The following STK32B variants were observed in gnomAD, a reference collection of about 807,000 sequenced individuals.
STK32B encodes the protein serine/threonine-protein kinase 32B.
A neutral mutation model predicts 52.6 loss-of-function variants in STK32B; 43 were observed. The ratio of observed to expected loss-of-function variants is 0.82; its 90% CI spans 0.64 to 1.05. The LOEUF (loss-of-function observed/expected upper bound fraction) is 1.05. STK32B is among the 50% of genes least tolerant of loss of function. The pLI is 0.00. For synonymous variants in STK32B, 238 were observed against 204.3 expected (o/e 1.17, Z -1.41); for missense variants, 621 against 534.6 (o/e 1.16, Z -1.59).
At chr4:5,150,486 T>A (rs1717258877) in intron 2 of STK32B, among the ~76,000 whole-genome samples, 1 of 152,202 alleles carries the variant, frequency 6.6e-6, no homozygotes, top group Non-Finnish European at 1.5e-5. Context: ...TACTGTGTTT[T>A]TTAAAAACAT....
intron 11 of STK32B, among the ~76,000 whole-genome samples, chr4:5,491,077 G>C (rs1719692857): frequency 6.6e-6 from 1 of 152,132 alleles, no homozygotes; most frequent in Non-Finnish European, 1.5e-5. Flanking sequence ...ATAGTCCTTT[G>C]GGTATATACC....
At chr4:5,290,055 C>A (rs1205718072) in intron 3 of STK32B, among the ~76,000 whole-genome samples, 1 of 152,078 alleles carries the variant, frequency 6.6e-6, no homozygotes, top group Admixed American at 6.6e-5. Context: ...TTGTTCCCTT[C>A]TTTGTGTTCA....
chr4:5,371,996 T>TC (rs1735276850), intron 4 of STK32B, among the ~76,000 whole-genome samples: 1 of 152,108 alleles, frequency 6.6e-6, no homozygotes, highest in Non-Finnish European at 1.5e-5. Context: ...AAGCCACTTC[T>TC]CTCCAGCCCT....
intron 3 of STK32B, among the ~76,000 whole-genome samples, chr4:5,237,934 T>G (rs906056184): frequency 6.6e-6 from 1 of 152,162 alleles, no homozygotes; most frequent in Admixed American, 6.5e-5. Context: ...TCAGAATACC[T>G]TGGCCGGGAT....
chr4:5,251,108 C>A (rs1217901034), intron 3 of STK32B, among the ~76,000 whole-genome samples: 1 of 152,072 alleles, frequency 6.6e-6, no homozygotes. Flanking sequence ...TTGCTTTTGG[C>A]ATCTTCATCA....
intron 3 of STK32B, among the ~76,000 whole-genome samples, chr4:5,192,738 A>C (rs1027017465): frequency 5.0e-4 from 31 of 61,964 alleles, no homozygotes; most frequent in Non-Finnish European, 9.5e-4. Context: ...TGGTGAGAAC[A>C]CCGAGTTCTA....
At chr4:5,230,585 T>C (rs1724196987) in intron 3 of STK32B, among the ~76,000 whole-genome samples, 3 of 152,128 alleles carry the variant, frequency 2.0e-5, no homozygotes, top group African/African-American at 7.2e-5. Flanking sequence ...GCAAATAAAG[T>C]CTTTTTATTA....
At chr4:5,169,179 G>T (rs1474658553) in intron 3 of STK32B, among the ~76,000 whole-genome samples, 2 of 152,172 alleles carry the variant, frequency 1.3e-5, no homozygotes, top group African/African-American at 4.8e-5. Context: ...GTCTTCTCCT[G>T]TGTTTGACCT....
intron 3 of STK32B, among the ~76,000 whole-genome samples, chr4:5,283,482 A>G (rs1467693224): frequency 6.6e-6 from 1 of 152,202 alleles, no homozygotes; most frequent in African/African-American, 2.4e-5. Flanking sequence ...ACATCCAGGT[A>G]TAGGAAGCTC....
intron 6 of STK32B, among the ~76,000 whole-genome samples, chr4:5,436,296 A>G (rs1249429353): frequency 1.3e-5 from 2 of 152,258 alleles, no homozygotes; most frequent in Admixed American, 6.5e-5. Flanking sequence ...ATGATGGTAG[A>G]ACACAGCAAT....
At chr4:5,092,813 C>T (rs1713167307) in intron 1 of STK32B, among the ~76,000 whole-genome samples, 3 of 152,112 alleles carry the variant, frequency 2.0e-5, no homozygotes, top group Non-Finnish European at 4.4e-5. Flanking sequence ...AATCACCTCC[C>T]ACCCGGTCAC....
intron 1 of STK32B, among the ~76,000 whole-genome samples, chr4:5,117,399 A>ATT (rs58704388): frequency 2.6e-5 from 4 of 151,642 alleles, no homozygotes; most frequent in East Asian, 3.9e-4. Flanking sequence ...TGATCATATG[A>ATT]TTTTTTTTTC....
chr4:5,471,397 G>C (rs559900840), intron 11 of STK32B, among the ~76,000 whole-genome samples: 9 of 152,202 alleles, frequency 5.9e-5, no homozygotes, highest in African/African-American at 2.2e-4. Flanking sequence ...GAAGATTGTA[G>C]TGATGCAGGT....
intron 11 of STK32B, among the ~76,000 whole-genome samples, chr4:5,482,468 G>T (rs575061988): frequency 6.6e-6 from 1 of 152,118 alleles, no homozygotes; most frequent in Non-Finnish European, 1.5e-5. Flanking sequence ...TTGCTTATCA[G>T]CTTAAGGAGA....
intron 3 of STK32B, among the ~76,000 whole-genome samples, chr4:5,181,410 G>A (rs1720354453): frequency 6.6e-6 from 1 of 150,810 alleles, no homozygotes; most frequent in African/African-American, 2.4e-5. Context: ...GCCTCTGCTG[G>A]CACCCTGAGT....
At chr4:5,374,258 C>G (rs1326951437) in intron 4 of STK32B, among the ~76,000 whole-genome samples, 2 of 152,158 alleles carry the variant, frequency 1.3e-5, no homozygotes, top group Non-Finnish European at 2.9e-5. Flanking sequence ...GTTACAGAAG[C>G]CCTAGGAAAC....
intron 1 of STK32B, among the ~76,000 whole-genome samples, chr4:5,100,598 CTTT>C (rs1163668941): frequency 5.0e-5 from 7 of 139,888 alleles, no homozygotes; most frequent in South Asian, 2.4e-4. Flanking sequence ...TCCCTTCTTC[CTTT>C]CTTCCTTCCT....
chr4:5,238,768 C>T (rs371919394), intron 3 of STK32B, among the ~76,000 whole-genome samples: 35 of 152,326 alleles, frequency 2.3e-4, no homozygotes, highest in African/African-American at 8.4e-4. Flanking sequence ...CTCACTCACT[C>T]ACTCAACAAT....
At chr4:5,274,939 C>T (rs572141913) in intron 3 of STK32B, among the ~76,000 whole-genome samples, 1 of 152,294 alleles carries the variant, frequency 6.6e-6, no homozygotes, top group African/African-American at 2.4e-5. Context: ...ATTGTTCATG[C>T]ACGGCTAAGT....
Sources: gnomAD v4.1 joint callset for allele counts (sites outside exome capture counted in the v4.1 genomes callset) on GRCh38, gnomAD v4.1.1 for gene constraint, MANE v1.5 for transcripts, NCBI Gene and HGNC (gene_info 2026-07-23, HGNC 2026-07-21) for gene names.